Variants in CHODL observed in about 807,000 individuals in gnomAD.
CHODL encodes the protein transmembrane protein MT75.
Under a neutral mutation model 34.5 loss-of-function variants are expected in CHODL, and 29 were observed. The observed-to-expected ratio is 0.84, with a 90% CI of 0.63 to 1.15. CHODL has a LOEUF of 1.15. CHODL is among the 50% of genes most tolerant of loss of function. The probability of loss-of-function intolerance (pLI) is 0.00; values close to 1 mark genes in which losing one functional copy is unlikely to be tolerated. For synonymous variants in CHODL, 125 were observed against 116.1 expected (o/e 1.08, Z -0.49); for missense variants, 332 against 332.5 (o/e 1.00, Z 0.01).
intron 1 of CHODL, among the ~76,000 whole-genome samples, chr21:17,970,294 C>G (rs2063604100): frequency 6.6e-6 from 1 of 152,094 alleles, no homozygotes; most frequent in African/African-American, 2.4e-5. Flanking sequence ...AATAAGGCCA[C>G]TATTTTAATT....
At chr21:18,003,969 T>C (rs1006919519) in intron 1 of CHODL, among the ~76,000 whole-genome samples, 4 of 152,200 alleles carry the variant, frequency 2.6e-5, no homozygotes, top group African/African-American at 9.7e-5. Flanking sequence ...CATTATTTTA[T>C]GTGTAGGAAA....
intron 2 of CHODL, among the ~76,000 whole-genome samples, chr21:18,088,833 C>G (rs773155280): frequency 6.6e-5 from 10 of 152,212 alleles, no homozygotes; most frequent in Non-Finnish European, 1.2e-4. Context: ...TGTACAGGAG[C>G]AGCAATGGAT....
intron 1 of CHODL, among the ~76,000 whole-genome samples, chr21:17,949,305 G>T (rs2063437401): frequency 6.6e-6 from 1 of 152,104 alleles, no homozygotes; most frequent in Non-Finnish European, 1.5e-5. Flanking sequence ...GTATAAAAGT[G>T]TATCTACTGG....
Position 18,177,557 on chromosome 21 carries a change from A to G in CHODL, c.-44-78952A>G, listed in dbSNP as rs149408794. Among the ~76,000 whole-genome samples, 259 of 152,242 alleles carry G rather than the reference A, an allele frequency of 1.7e-3. 1 individual carries two copies. The highest frequency in any genetic ancestry group is 5.8e-3 in the African/African-American group (239 of 41,560). Reference sequence around the variant, plus strand: ...GGGCAATTTAGTATCAATCTACTTCACAAACAAATTATCTTTTGACCCAAA... The same window carrying G: ...GGGCAATTTAGTATCAATCTACTTCGCAAACAAATTATCTTTTGACCCAAA... On this transcript the variant is annotated intron_variant, in intron 2 of 6. Transcript: ENST00000400127.
At chr21:18,245,339 G>A in intron 1 of CHODL, 37 bp downstream of exon 1, 1 of 1,478,946 alleles carries the variant, frequency 6.8e-7, no homozygotes, top group Non-Finnish European at 9.0e-7. Context: ...AACGAGCGGG[G>A]AGAGGGGACC....
intron 2 of CHODL, among the ~76,000 whole-genome samples, chr21:18,082,743 A>G (rs1046217825): frequency 1.3e-5 from 2 of 152,186 alleles, no homozygotes; most frequent in African/African-American, 4.8e-5. Context: ...AGAGAATTTA[A>G]GGTATCTGGC....
intron 4 of CHODL, among the ~76,000 whole-genome samples, chr21:18,261,704 A>G (rs1439358722): frequency 1.3e-5 from 2 of 152,108 alleles, no homozygotes; most frequent in Non-Finnish European, 2.9e-5. Flanking sequence ...CATTAGAAAT[A>G]CTTTTTTCTC....
chr21:18,181,953 T>A (rs1386703804), intron 2 of CHODL, among the ~76,000 whole-genome samples: 1 of 152,242 alleles, frequency 6.6e-6, no homozygotes, highest in African/African-American at 2.4e-5. Context: ...TCACATTTTT[T>A]AATCCATTCT....
chr21:17,948,015 A>C (rs938054581), intron 1 of CHODL, among the ~76,000 whole-genome samples: 5 of 152,172 alleles, frequency 3.3e-5, no homozygotes, highest in African/African-American at 7.2e-5. Flanking sequence ...CATGGATGAA[A>C]CTGGAAGCCA....
At chr21:17,989,246 A>G (rs2063778663) in intron 1 of CHODL, among the ~76,000 whole-genome samples, 1 of 152,172 alleles carries the variant, frequency 6.6e-6, no homozygotes, top group Non-Finnish European at 1.5e-5. Context: ...CTTACCTGCA[A>G]ATCATCCTGG....
intron 2 of CHODL, among the ~76,000 whole-genome samples, chr21:18,031,430 A>G (rs1234675114): frequency 2.0e-5 from 3 of 152,148 alleles, no homozygotes; most frequent in Non-Finnish European, 4.4e-5. Context: ...ATAGAGAAGA[A>G]GAAGCTAAAG....
At chr21:18,108,895 G>T (rs9305840) in intron 2 of CHODL, among the ~76,000 whole-genome samples, 54,355 of 149,314 alleles carry the variant, frequency 0.36, 10,231 homozygotes, top group Middle Eastern at 0.6. Context: ...TTTCTTTCTC[G>T]CACTATTTTG....
At chr21:18,123,661 G>A (rs898474594) in intron 2 of CHODL, among the ~76,000 whole-genome samples, 1 of 152,158 alleles carries the variant, frequency 6.6e-6, no homozygotes, top group Admixed American at 6.5e-5. Flanking sequence ...AACCTGCTCC[G>A]TAAATAATGG....
intron 2 of CHODL, among the ~76,000 whole-genome samples, chr21:18,133,048 T>C (rs1417037955): frequency 1.3e-5 from 2 of 152,120 alleles, no homozygotes; most frequent in Non-Finnish European, 2.9e-5. Flanking sequence ...TTAACTCTTA[T>C]GGGGTTTGTT....
At chr21:18,260,136 T>TTA in intron 3 of CHODL, 64 bp from the exon 4 acceptor site, 1 of 637,436 alleles carries the variant, frequency 1.6e-6, no homozygotes. Context: ...AATTTCATAT[T>TTA]TATATATATT....
intron 2 of CHODL, among the ~76,000 whole-genome samples, chr21:18,160,852 A>C (rs772378161): frequency 1.7e-4 from 26 of 152,170 alleles, no homozygotes; most frequent in Non-Finnish European, 3.2e-4. Context: ...ATACTCAGTA[A>C]TGGGATTGCT....
chr21:18,167,211 CTGTGTG>C (rs71329776), intron 2 of CHODL, among the ~76,000 whole-genome samples: 3,373 of 88,084 alleles, frequency 0.038, 96 homozygotes, highest in African/African-American at 0.098. Flanking sequence ...TTCTCTCTCT[CTGTGTG>C]TGTGTGTGTG....
chr21:18,018,520 A>G (rs1004939242), intron 1 of CHODL, among the ~76,000 whole-genome samples: 2 of 152,130 alleles, frequency 1.3e-5, no homozygotes, highest in Non-Finnish European at 2.9e-5. Context: ...TGCTTTTGCC[A>G]TATGACATGC....
intron 2 of CHODL, among the ~76,000 whole-genome samples, chr21:18,171,105 C>G (rs1319408896): frequency 2.6e-5 from 1 of 38,740 alleles, no homozygotes; most frequent in African/African-American, 1.2e-4. Context: ...ATTTATAACT[C>G]CAGAATTTGT....
Sources: gnomAD v4.1 joint callset for allele counts (sites outside exome capture counted in the v4.1 genomes callset) on GRCh38, gnomAD v4.1.1 for gene constraint, MANE v1.5 for transcripts, NCBI Gene and HGNC (gene_info 2026-07-23, HGNC 2026-07-21) for gene names.